MAP4K4: variants seen among roughly 807,000 people sequenced by gnomAD.
MAP4K4 encodes mitogen-activated protein kinase kinase kinase kinase 4.
MAP4K4 carries 38 observed loss-of-function variants against 189.6 expected under a neutral mutation model. The ratio of observed to expected loss-of-function variants is 0.20; its 90% CI spans 0.15 to 0.26. The LOEUF (loss-of-function observed/expected upper bound fraction) is 0.26, where lower values mean the gene tolerates loss of function less well. Ranked by LOEUF, MAP4K4 falls within the 10% of genes least tolerant of loss-of-function variation. MAP4K4 has a pLI of 1.00. For synonymous variants in MAP4K4, 610 were observed against 624.3 expected (o/e 0.98, Z 0.34); for missense variants, 1,054 against 1,726.9 (o/e 0.61, Z 6.91).
At chr2:101,852,945 G>T (rs184552732) in intron 12 of MAP4K4, among the ~76,000 whole-genome samples, 140 of 152,280 alleles carry the variant, frequency 9.2e-4, no homozygotes, top group African/African-American at 3.3e-3. Flanking sequence ...ACTTCACTCA[G>T]CTCCCAAAAT....
At chr2:101,719,873 G>A (rs1442310717) in intron 2 of MAP4K4, among the ~76,000 whole-genome samples, 3 of 152,020 alleles carry the variant, frequency 2.0e-5, no homozygotes, top group African/African-American at 7.2e-5. Flanking sequence ...TTAGCCGGGC[G>A]TGGTGGCGGG....
intron 27 of MAP4K4, among the ~76,000 whole-genome samples, chr2:101,881,806 T>C (rs1170442636): frequency 1.3e-5 from 2 of 152,212 alleles, no homozygotes; most frequent in African/African-American, 4.8e-5. Context: ...CTTCTTAGCT[T>C]GTTGATGTGT....
At chr2:101,730,203 T>C (rs1352375209) in intron 2 of MAP4K4, among the ~76,000 whole-genome samples, 1 of 152,240 alleles carries the variant, frequency 6.6e-6, no homozygotes, top group Non-Finnish European at 1.5e-5. Flanking sequence ...AATGGCTATA[T>C]GGCTTTCTGT....
intron 3 of MAP4K4, among the ~76,000 whole-genome samples, chr2:101,819,934 G>T (rs1004150659): frequency 2.6e-5 from 4 of 152,170 alleles, no homozygotes; most frequent in African/African-American, 9.7e-5. Flanking sequence ...TGGTGCCATG[G>T]TGATCTGCCA....
chr2:101,884,901 C>T (rs1183358155), intron 28 of MAP4K4, among the ~76,000 whole-genome samples: 1 of 152,150 alleles, frequency 6.6e-6, no homozygotes, highest in Non-Finnish European at 1.5e-5. Context: ...TTGAAGACTT[C>T]AGGGTGGTAT....
chr2:101,892,065 A>T (rs1412207653), exon 33 of MAP4K4: 1 of 152,274 alleles, frequency 6.6e-6, no homozygotes, highest in Non-Finnish European at 1.5e-5. Context: ...TAATGGCCAG[A>T]ACTTTGTCGT....
chr2:101,829,669 A>G (rs1461680870), intron 6 of MAP4K4, 75 bp downstream of exon 6: 2 of 1,016,022 alleles, frequency 2.0e-6, no homozygotes, highest in African/African-American at 3.2e-5. Context: ...TTCTGCTTCC[A>G]TCTAGCTAAA....
intron 27 of MAP4K4, among the ~76,000 whole-genome samples, chr2:101,878,394 T>C (rs11888979): frequency 6.6e-6 from 1 of 152,166 alleles, no homozygotes; most frequent in Non-Finnish European, 1.5e-5. Flanking sequence ...GCAACCTCTT[T>C]CCTGAAGTTA....
chr2:101,883,661 TTAA>T (rs1445435365), intron 28 of MAP4K4, among the ~76,000 whole-genome samples: 1 of 152,236 alleles, frequency 6.6e-6, no homozygotes, highest in African/African-American at 2.4e-5. Flanking sequence ...CTAAAACTGA[TTAA>T]TGTTACGGGC....
intron 23 of MAP4K4, among the ~76,000 whole-genome samples, chr2:101,870,890 G>A (rs1002839468): frequency 6.6e-6 from 1 of 152,154 alleles, no homozygotes. Context: ...GGGTTCGGGA[G>A]GTTTCTCTTC....
intron 2 of MAP4K4, among the ~76,000 whole-genome samples, chr2:101,740,115 T>G (rs1035653439): frequency 6.6e-6 from 1 of 151,916 alleles, no homozygotes; most frequent in African/African-American, 2.4e-5. Context: ...ACACAACATC[T>G]GTCGCTTTCT....
intron 28 of MAP4K4, among the ~76,000 whole-genome samples, chr2:101,883,472 C>A (rs946218352): frequency 6.6e-6 from 1 of 152,136 alleles, no homozygotes; most frequent in African/African-American, 2.4e-5. Context: ...GTTGGGATTA[C>A]AGGCACCTTG....
At chr2:101,829,413 C>G in intron 5 of MAP4K4, 91 bp from the exon 6 acceptor site, 3 of 798,354 alleles carry the variant, frequency 3.8e-6, no homozygotes, top group Non-Finnish European at 6.4e-6. Context: ...CACCTTTGGT[C>G]CACATGTGCA....
intron 2 of MAP4K4, among the ~76,000 whole-genome samples, chr2:101,736,080 AGAGCTGCTG>A (rs1293605276): frequency 6.6e-6 from 1 of 152,262 alleles, no homozygotes; most frequent in Non-Finnish European, 1.5e-5. Flanking sequence ...TAAAAATTGC[AGAGCTGCTG>A]GAGCTGCTGC....
exon 22 of MAP4K4, chr2:101,869,666 A>G (rs1362021697): frequency 6.2e-7 from 1 of 1,609,820 alleles, no homozygotes. Context: ...TGGAAGATGT[A>G]CGGCCACCTC....
intron 9 of MAP4K4, among the ~76,000 whole-genome samples, chr2:101,836,308 G>A (rs936472348): frequency 6.6e-6 from 1 of 152,174 alleles, no homozygotes; most frequent in African/African-American, 2.4e-5. Context: ...AAGCGACCGG[G>A]CGCGGTGGCT....
Position 101,761,567 on chromosome 2 carries a change from T to C in MAP4K4, c.124-29153T>C, listed in dbSNP as rs1460031240. Among the ~76,000 whole-genome samples the C allele has an allele frequency of 2.7e-5, 4 of 150,558 alleles. No individual in the cohort carries two copies. The South Asian group carries it at 6.3e-4, about 24-fold the overall frequency. On this transcript the variant is annotated intron_variant, in intron 2 of 32. Coordinates refer to ENST00000324219, the Ensembl canonical transcript of MAP4K4. ...GGAGCATTCTTTTTTTTTTTTTTTT[T>C]CTTTTGAGACGAAGTCTCTCTCACT...
chr2:101,867,403 G>C, intron 20 of MAP4K4, 94 bp downstream of exon 20: 1 of 870,630 alleles, frequency 1.1e-6, no homozygotes, highest in Non-Finnish European at 1.8e-6. Flanking sequence ...AGTCTTTTCT[G>C]CGAGGGCCCC....
chr2:101,834,271 A>G (rs1050660979), intron 7 of MAP4K4, 138 bp from the exon 8 acceptor site: 6 of 588,432 alleles, frequency 1.0e-5, no homozygotes, highest in South Asian at 3.1e-5. Context: ...CGTAAGTTCT[A>G]CAAATGTGCT....
Sources: gnomAD v4.1 joint callset for allele counts (sites outside exome capture counted in the v4.1 genomes callset) on GRCh38, gnomAD v4.1.1 for gene constraint, MANE v1.5 for transcripts, NCBI Gene and HGNC (gene_info 2026-07-23, HGNC 2026-07-21) for gene names.